THSD4: variants seen among roughly 807,000 people sequenced by gnomAD.
The protein encoded by THSD4 is thrombospondin type 1 domain containing 4.
THSD4 carries 69 observed loss-of-function variants against 119.0 expected under a neutral mutation model. The observed-to-expected ratio is 0.58, with a 90% CI of 0.48 to 0.71. The LOEUF is 0.71. THSD4 is among the 30% of genes least tolerant of loss of function. THSD4 has a pLI of 0.00. For missense variants in THSD4, 1,393 were observed against 1,391.1 expected (o/e 1.00, Z -0.02); for synonymous variants, 524 against 540.4 (o/e 0.97, Z 0.42).
At chr15:71,216,894 T>C (rs764213211) in intron 4 of THSD4, among the ~76,000 whole-genome samples, 23 of 152,142 alleles carry the variant, frequency 1.5e-4, no homozygotes, top group Non-Finnish European at 2.8e-4. Context: ...AACTCCGGGT[T>C]CAAGCTATTC....
chr15:71,540,397 A>G (rs1192370607), intron 7 of THSD4, among the ~76,000 whole-genome samples: 1 of 145,876 alleles, frequency 6.9e-6, no homozygotes, highest in East Asian at 2.0e-4. Flanking sequence ...CAGGCTCCCA[A>G]AGTGCTGGGA....
At chr15:71,274,729 G>T in intron 6 of THSD4, among the ~76,000 whole-genome samples, 1 of 152,176 alleles carries the variant, frequency 6.6e-6, no homozygotes, top group Non-Finnish European at 1.5e-5. Flanking sequence ...ACTGGAAAAT[G>T]TAGGATATGA....
At chr15:71,549,077 A>G (rs944326134) in intron 7 of THSD4, among the ~76,000 whole-genome samples, 1 of 152,230 alleles carries the variant, frequency 6.6e-6, no homozygotes, top group African/African-American at 2.4e-5. Flanking sequence ...TTCACCTGAC[A>G]ATCAGCAAAG....
intron 7 of THSD4, among the ~76,000 whole-genome samples, chr15:71,608,600 T>G (rs1211752150): frequency 6.6e-6 from 1 of 152,196 alleles, no homozygotes; most frequent in Non-Finnish European, 1.5e-5. Context: ...TTGGCCTTGT[T>G]TCGGATTATG....
intron 7 of THSD4, among the ~76,000 whole-genome samples, chr15:71,550,189 G>A (rs1173683009): frequency 6.6e-6 from 1 of 152,210 alleles, no homozygotes; most frequent in African/African-American, 2.4e-5. Flanking sequence ...GACTTTTGAG[G>A]CATTTGTCAG....
chr15:71,183,393 T>G (rs2043556846), intron 3 of THSD4, among the ~76,000 whole-genome samples: 1 of 151,792 alleles, frequency 6.6e-6, no homozygotes. Flanking sequence ...TAGCAGACTC[T>G]GAAGCCAGAT....
At chr15:71,283,158 A>T (rs945079090) in intron 6 of THSD4, among the ~76,000 whole-genome samples, 1 of 151,904 alleles carries the variant, frequency 6.6e-6, no homozygotes, top group Non-Finnish European at 1.5e-5. Context: ...TTTAGTAGAG[A>T]CGGGGTTTCA....
chr15:71,572,945 A>G (rs1331797261), intron 7 of THSD4, among the ~76,000 whole-genome samples: 1 of 152,162 alleles, frequency 6.6e-6, no homozygotes, highest in Admixed American at 6.5e-5. Context: ...AAGGCATGCC[A>G]GGAGCTGTTC....
At chr15:71,305,719 G>C (rs2045014647) in intron 6 of THSD4, among the ~76,000 whole-genome samples, 2 of 152,170 alleles carry the variant, frequency 1.3e-5, no homozygotes, top group African/African-American at 4.8e-5. Context: ...GACTGATGCT[G>C]TCCAGGAGAA....
At chr15:71,255,686 G>A (rs2044307464) in intron 5 of THSD4, among the ~76,000 whole-genome samples, 1 of 152,174 alleles carries the variant, frequency 6.6e-6, no homozygotes, top group East Asian at 1.9e-4. Flanking sequence ...AGCCTGGTGG[G>A]AACCAGGCTG....
chr15:71,289,631 C>T (rs549267674), intron 6 of THSD4, among the ~76,000 whole-genome samples: 36 of 152,162 alleles, frequency 2.4e-4, no homozygotes, highest in African/African-American at 7.5e-4. Flanking sequence ...ATTTGTAATT[C>T]GATTATTATA....
At chr15:71,276,934 T>C (rs1180891909) in intron 6 of THSD4, among the ~76,000 whole-genome samples, 1 of 152,134 alleles carries the variant, frequency 6.6e-6, no homozygotes, top group Admixed American at 6.5e-5. Flanking sequence ...AAGAATTCTC[T>C]CATTGGGGGC....
In THSD4 at chr15:71,323,733, A is replaced by G. The variant is rs184992939; in HGVS notation, c.1015+67018A>G. On this transcript the variant is annotated intron_variant, in intron 6 of 17. Transcript: ENST00000261862. ...AACACCAGAGTAATGCAATGATCTG[A>G]CTCTTAGAAACAGACACAGAGTTGT... is the stretch of plus-strand genomic sequence containing the variant. Among the ~76,000 whole-genome samples the G allele has an allele frequency of 1.5e-3, 229 of 152,284 alleles. 2 individuals carry two copies. Among genetic ancestry groups the G allele is most frequent in the African/African-American group, 5.4e-3 (223 of 41,556 alleles).
chr15:71,626,351 T>G (rs766430259), intron 7 of THSD4, among the ~76,000 whole-genome samples: 6 of 152,214 alleles, frequency 3.9e-5, no homozygotes, highest in Non-Finnish European at 7.3e-5. Context: ...TATATCTTAT[T>G]GAACAACATG....
intron 7 of THSD4, among the ~76,000 whole-genome samples, chr15:71,593,173 C>T (rs1595765143): frequency 1.7e-4 from 1 of 5,762 alleles, no homozygotes; most frequent in Non-Finnish European, 1.9e-3. Flanking sequence ...GCCTGTAATC[C>T]CAGCACTTTG....
intron 6 of THSD4, among the ~76,000 whole-genome samples, chr15:71,321,423 C>G (rs2045266313): frequency 6.6e-6 from 1 of 152,142 alleles, no homozygotes; most frequent in Non-Finnish European, 1.5e-5. Context: ...GTAATTTCAG[C>G]TACTCAGGAG....
intron 8 of THSD4, among the ~76,000 whole-genome samples, chr15:71,688,194 G>A (rs1013239513): frequency 2.6e-5 from 4 of 152,330 alleles, no homozygotes; most frequent in East Asian, 3.9e-4. Context: ...TTTATTGACT[G>A]GTGGGAAGCC....
intron 7 of THSD4, among the ~76,000 whole-genome samples, chr15:71,501,206 GTTTTTC>G (rs1245293970): frequency 2.0e-5 from 3 of 152,094 alleles, no homozygotes; most frequent in African/African-American, 7.2e-5. Flanking sequence ...AGCTGTGTGT[GTTTTTC>G]TTTTAGAGAA....
intron 7 of THSD4, among the ~76,000 whole-genome samples, chr15:71,577,815 A>C (rs1438688684): frequency 6.6e-6 from 1 of 150,658 alleles, no homozygotes; most frequent in East Asian, 2.0e-4. Flanking sequence ...CCACCTCCTG[A>C]GTTCACGTTA....
Sources: allele counts gnomAD v4.1 joint callset (sites outside exome capture counted in the v4.1 genomes callset), GRCh38; gene constraint gnomAD v4.1.1; transcripts MANE v1.5; gene names NCBI Gene and HGNC (gene_info 2026-07-23, HGNC 2026-07-21).